The following PCSK6 variants were observed in gnomAD, a reference collection of about 807,000 sequenced individuals.
PCSK6 encodes paired basic amino acid cleaving enzyme 4.
Under a neutral mutation model 123.3 loss-of-function variants are expected in PCSK6, and 85 were observed. The ratio of observed to expected loss-of-function variants is 0.69; its 90% confidence interval spans 0.58 to 0.83. The LOEUF (loss-of-function observed/expected upper bound fraction) is 0.83, where lower values mean the gene tolerates loss of function less well. PCSK6 is among the 40% of genes least tolerant of loss of function. The pLI, the probability that PCSK6 is intolerant of heterozygous loss-of-function variation, is 0.00. For synonymous variants in PCSK6, 508 were observed against 516.0 expected, an observed-to-expected ratio of 0.98 and a Z score of 0.21; for missense variants, 1,191 against 1,282.3, an observed-to-expected ratio of 0.93 and a Z score of 1.09.
intron 2 of PCSK6, among the ~76,000 whole-genome samples, chr15:101,436,360 G>T (rs1318858697): frequency 6.6e-6 from 1 of 152,204 alleles, no homozygotes; most frequent in Non-Finnish European, 1.5e-5. Flanking sequence ...GCACCGGCAG[G>T]GCTGCGGACA....
At chr15:101,352,633 G>C (rs1194893138) in intron 13 of PCSK6, among the ~76,000 whole-genome samples, 1 of 152,120 alleles carries the variant, frequency 6.6e-6, no homozygotes, top group African/African-American at 2.4e-5. Context: ...CTGTTCCCTT[G>C]ATCGGTCTAT....
chr15:101,411,708 T>C (rs4412960), intron 6 of PCSK6, among the ~76,000 whole-genome samples: 44,258 of 152,056 alleles, frequency 0.29, 7,119 homozygotes, highest in African/African-American at 0.44. Context: ...GGAACCGTGG[T>C]ACCACCCCGA....
At chr15:101,408,015 G>A (rs570877229) in intron 6 of PCSK6, among the ~76,000 whole-genome samples, 2 of 152,316 alleles carry the variant, frequency 1.3e-5, no homozygotes, top group Non-Finnish European at 2.9e-5. Flanking sequence ...CGGTCTCCCC[G>A]CTAGGGAATG....
chr15:101,468,355 G>C (rs1306112417), intron 1 of PCSK6, among the ~76,000 whole-genome samples: 1 of 152,182 alleles, frequency 6.6e-6, no homozygotes, highest in Non-Finnish European at 1.5e-5. Context: ...AAAACAGTGA[G>C]CCCCACTTTG....
chr15:101,369,948 T>G (rs563512686), intron 12 of PCSK6, among the ~76,000 whole-genome samples: 1 of 152,332 alleles, frequency 6.6e-6, no homozygotes, highest in South Asian at 2.1e-4. Context: ...GTGCTCCCTG[T>G]GGTACACATG....
At chr15:101,415,586 T>C (rs2055859772) in intron 6 of PCSK6, among the ~76,000 whole-genome samples, 1 of 152,252 alleles carries the variant, frequency 6.6e-6, no homozygotes, top group Non-Finnish European at 1.5e-5. Flanking sequence ...CAGATTTTTT[T>C]TACTCAATGA....
rs1429704615 is a variant in PCSK6 at position 101,393,513 on chromosome 15, T to C, written c.997-89A>G. On this transcript the variant is annotated intron_variant, in intron 7 of 21. Coordinates refer to ENST00000611716, the MANE Select transcript of PCSK6 (RefSeq NM_002570.5). ...CGAACCTAGAGTCCCATCTCCCAAA[T>C]GTTCCTTCAAAGGGATAAGAAGGTT... 4.1e-6 allele frequency: 4 copies of C among 967,606 alleles called. No individual in the cohort carries two copies. In the African/African-American group the frequency reaches 4.9e-5, roughly 12 times the overall value. 59.9% of individuals were successfully genotyped at this position (967,606 alleles called of 1,614,324 possible).
At chr15:101,320,718 G>C (rs1047230989) in intron 18 of PCSK6, among the ~76,000 whole-genome samples, 1 of 152,108 alleles carries the variant, frequency 6.6e-6, no homozygotes, top group Non-Finnish European at 1.5e-5. Flanking sequence ...TGAAGAGATG[G>C]AGGGCCAGAG....
At chr15:101,307,099 ACGCCTGT>A in intron 21 of PCSK6, 107 bp downstream of exon 21, 1 of 714,808 alleles carries the variant, frequency 1.4e-6, no homozygotes, top group East Asian at 2.7e-5. Flanking sequence ...AGGGGCACGA[ACGCCTGT>A]CTGTGGAGCC....
intron 11 of PCSK6, among the ~76,000 whole-genome samples, chr15:101,380,314 A>G (rs2041879727): frequency 6.6e-6 from 1 of 152,232 alleles, no homozygotes; most frequent in Non-Finnish European, 1.5e-5. Flanking sequence ...AGAATGCTTC[A>G]TTCAGGAGCC....
At chr15:101,359,507 C>A (rs1052368473) in intron 13 of PCSK6, among the ~76,000 whole-genome samples, 7 of 152,238 alleles carry the variant, frequency 4.6e-5, no homozygotes, top group South Asian at 2.1e-4. Flanking sequence ...TCCGCCAACA[C>A]CTATTGGGCA....
intron 6 of PCSK6, among the ~76,000 whole-genome samples, chr15:101,403,376 C>G (rs561375624): frequency 1.1e-4 from 16 of 149,508 alleles, no homozygotes; most frequent in South Asian, 4.2e-4. Flanking sequence ...ACATATGTAA[C>G]TAACCTGCAC....
chr15:101,474,185 GA>G (rs951117699), intron 1 of PCSK6, among the ~76,000 whole-genome samples: 18 of 152,148 alleles, frequency 1.2e-4, no homozygotes, highest in Non-Finnish European at 1.9e-4. Context: ...GTTTAAGTTG[GA>G]AAAAAACAGC....
intron 10 of PCSK6, 45 bp downstream of exon 10, chr15:101,384,277 C>A: frequency 6.3e-7 from 1 of 1,599,226 alleles, no homozygotes; most frequent in Non-Finnish European, 8.6e-7. Flanking sequence ...CCTTCCTACA[C>A]ATTCCAGGGC....
At position 101,398,419 on chromosome 15, in the gene PCSK6, C is replaced by G; in HGVS notation, c.981G>C (p.Glu327Asp). 1 of 1,611,816 alleles carries G rather than the reference C, an allele frequency of 6.2e-7. No homozygotes were observed. Among genetic ancestry groups the G allele is most frequent in the Non-Finnish European group, 8.5e-7 (1 of 1,178,338 alleles). The change falls in exon 7 of 22, where the codon GAG (glutamate) becomes GAC (aspartate). Residue 327 changes from glutamate to aspartate, a missense_variant. By Grantham distance (45) the Glu-to-Asp change is conservative. Coordinates refer to ENST00000611716, the MANE Select transcript of PCSK6 (RefSeq NM_002570.5). This position sits in a 1 kb window ranked among gnomAD's most constrained non-coding sequence, Gnocchi z 4.6. ...TTACTCACACCTTTTTAATGCCATA[C>G]TCGAAAGCCTGCTTAGCCAGTCGGC... ...GPGRLAKQAFEYGIKKGRQGL... is the reference protein window; with the variant it reads ...GPGRLAKQAFDYGIKKGRQGL...
At chr15:101,431,278 C>G (rs1187378503) in intron 4 of PCSK6, 42 bp downstream of exon 4, 4 of 1,606,364 alleles carry the variant, frequency 2.5e-6, no homozygotes, top group Admixed American at 1.7e-5. Context: ...ATGACCAGCA[C>G]AGTTGAATAT....
intron 6 of PCSK6, among the ~76,000 whole-genome samples, chr15:101,401,624 C>A (rs1350005456): frequency 1.3e-5 from 2 of 152,210 alleles, no homozygotes; most frequent in Non-Finnish European, 2.9e-5. Context: ...CTGAAGTTCT[C>A]CCGTCTCGCT....
intron 6 of PCSK6, among the ~76,000 whole-genome samples, chr15:101,408,336 C>T (rs1352115362): frequency 6.6e-6 from 1 of 152,252 alleles, no homozygotes; most frequent in Non-Finnish European, 1.5e-5. Context: ...CTGCTTCTTT[C>T]TTATGTACAC....
chr15:101,435,090 C>T (rs760138510), intron 2 of PCSK6, among the ~76,000 whole-genome samples: 4 of 152,190 alleles, frequency 2.6e-5, no homozygotes, highest in Non-Finnish European at 5.9e-5. Context: ...CTCCCCCTCC[C>T]ATCCCCAGCT....
Sources: allele counts gnomAD v4.1 joint callset (sites outside exome capture counted in the v4.1 genomes callset), GRCh38; gene constraint gnomAD v4.1.1; non-coding constraint Gnocchi (gnomAD v3.1); transcripts MANE v1.5; gene names NCBI Gene and HGNC (gene_info 2026-07-23, HGNC 2026-07-21).